The following CDC27 variants were observed in gnomAD, a reference collection of about 807,000 sequenced individuals.
The protein encoded by CDC27 is cell division cycle 27.
In CDC27, 27 loss-of-function variants were observed where a neutral mutation model predicts 109.7. The ratio of observed to expected loss-of-function variants is 0.25; its 90% confidence interval spans 0.18 to 0.34. The LOEUF is 0.34. Ranked by LOEUF, CDC27 falls within the 10% of genes least tolerant of loss-of-function variation. The probability of loss-of-function intolerance (pLI) is 1.00; values close to 1 mark genes in which losing one functional copy is unlikely to be tolerated. For missense variants in CDC27, 579 were observed against 960.2 expected, an observed-to-expected ratio of 0.60 and a Z score of 5.25; for synonymous variants, 266 against 333.9, an observed-to-expected ratio of 0.80 and a Z score of 2.22.
At chr17:47,134,110 G>A (rs920401957) in intron 14 of CDC27, among the ~76,000 whole-genome samples, 3 of 151,880 alleles carry the variant, frequency 2.0e-5, no homozygotes, top group African/African-American at 7.3e-5. Context: ...TGTTGACCAA[G>A]CTGGTTTCAA....
chr17:47,139,792 G>A (rs759117834), intron 12 of CDC27: 9 of 151,992 alleles, frequency 5.9e-5, no homozygotes, highest in Non-Finnish European at 7.3e-5. Flanking sequence ...CCTTTCCTTT[G>A]CAGCACTCTC....
At chr17:47,139,402 G>A (rs961537226) in intron 12 of CDC27, among the ~76,000 whole-genome samples, 3 of 151,918 alleles carry the variant, frequency 2.0e-5, no homozygotes. Context: ...AAGCAGCTGG[G>A]ACTACAGGCG....
chr17:47,185,591 C>T (rs2064405785), intron 1 of CDC27, among the ~76,000 whole-genome samples: 1 of 152,166 alleles, frequency 6.6e-6, no homozygotes, highest in Admixed American at 6.5e-5. Flanking sequence ...GTCAAAAAAG[C>T]TGTCTTTATT....
chr17:47,132,468 T>C, intron 14 of CDC27, 94 bp from the exon 15 acceptor site: 3 of 529,230 alleles, frequency 5.7e-6, no homozygotes, highest in Non-Finnish European at 9.6e-6. Flanking sequence ...GAATCTGGCA[T>C]TTTAATAATC....
chr17:47,156,853 T>A, intron 7 of CDC27, 60 bp downstream of exon 7: 1 of 577,586 alleles, frequency 1.7e-6, no homozygotes, highest in Non-Finnish European at 3.1e-6. Flanking sequence ...ACTAACAATA[T>A]GAGTTATCAT....
chr17:47,133,680 C>T (rs897476870), intron 14 of CDC27, among the ~76,000 whole-genome samples: 6 of 151,872 alleles, frequency 4.0e-5, no homozygotes, highest in East Asian at 1.9e-4. Context: ...TCAGGTGATC[C>T]GCCCGCCTCG....
intron 9 of CDC27, among the ~76,000 whole-genome samples, chr17:47,149,650 T>C (rs1436942701): frequency 6.6e-6 from 1 of 152,100 alleles, no homozygotes; most frequent in East Asian, 1.9e-4. Context: ...AATAGACTTC[T>C]TTTTCTCATT....
At chr17:47,157,950 A>G (rs902070913) in intron 5 of CDC27, among the ~76,000 whole-genome samples, 2 of 152,186 alleles carry the variant, frequency 1.3e-5, no homozygotes, top group Non-Finnish European at 2.9e-5. Flanking sequence ...AATATAACCC[A>G]TTCTAGAGGA....
At chr17:47,164,833 AC>A (rs1174743888) in intron 4 of CDC27, among the ~76,000 whole-genome samples, 1 of 152,118 alleles carries the variant, frequency 6.6e-6, no homozygotes, top group Admixed American at 6.5e-5. Flanking sequence ...AACAACAACA[AC>A]AACAACTGTA....
At chr17:47,187,517 G>T (rs2064488328) in intron 1 of CDC27, among the ~76,000 whole-genome samples, 1 of 151,664 alleles carries the variant, frequency 6.6e-6, no homozygotes, top group Non-Finnish European at 1.5e-5. Context: ...GGCCAGGCAG[G>T]TCTCGAACTC....
chr17:47,122,428 T>C lies in CDC27; in HGVS notation c.2392+16A>G. The stretch of plus-strand genomic sequence containing the variant: ...GTAACTTTCTAAATACTCAAAATCA[T>C]ATGTATGATACTTACTGATCTGTTC... On this transcript the variant is annotated intron_variant, in intron 18 of 18. Transcript: ENST00000066544. 6.6e-7 allele frequency: 1 copy of C among 1,509,636 alleles called. No individual in the cohort carries two copies. Among genetic ancestry groups the C allele is most frequent in the Non-Finnish European group, 8.9e-7 (1 of 1,119,126 alleles). 93.5% of individuals were successfully genotyped at this position (1,509,636 alleles called of 1,614,324 possible). A position where few individuals can be genotyped will look rare whatever the true frequency, so the allele number is the denominator to read the frequency against.
chr17:47,149,885 G>A (rs1461130133), intron 9 of CDC27, among the ~76,000 whole-genome samples: 1 of 152,142 alleles, frequency 6.6e-6, no homozygotes, highest in Non-Finnish European at 1.5e-5. Flanking sequence ...AACTGGGGAG[G>A]TGGAGGTTGC....
At chr17:47,152,932 G>C (rs11570497) in intron 8 of CDC27, among the ~76,000 whole-genome samples, 210 of 152,164 alleles carry the variant, frequency 1.4e-3, no homozygotes, top group African/African-American at 4.9e-3. Flanking sequence ...GGAGAGCCTG[G>C]TCATTTTAAT....
At chr17:47,145,053 C>T (rs534953521) in intron 9 of CDC27, among the ~76,000 whole-genome samples, 1 of 152,276 alleles carries the variant, frequency 6.6e-6, no homozygotes. Context: ...TCTAAAAAAA[C>T]TTTCTAAATA....
intron 9 of CDC27, among the ~76,000 whole-genome samples, chr17:47,146,059 A>G (rs1192805359): frequency 6.6e-6 from 1 of 152,208 alleles, no homozygotes; most frequent in East Asian, 1.9e-4. Flanking sequence ...TTTGAACACC[A>G]AAACTTGGCT....
rs1164648982 is a variant in CDC27, at chr17:47,122,434, T to A, written c.2392+10A>T. The stretch of plus-strand genomic sequence containing the variant: ...TTCTAAATACTCAAAATCATATGTA[T>A]GATACTTACTGATCTGTTCTTCTTG... On this transcript the variant is annotated intron_variant, in intron 18 of 18. Transcript: ENST00000066544. 6.4e-7 allele frequency: 1 copy of A among 1,562,974 alleles called. No homozygotes were observed. The highest frequency in any genetic ancestry group is 8.7e-7 in the Non-Finnish European group (1 of 1,151,064).
At chr17:47,138,936 T>C (rs2062708711) in intron 12 of CDC27, 45 bp from the exon 13 acceptor site, 3 of 1,296,394 alleles carry the variant, frequency 2.3e-6, no homozygotes, top group Non-Finnish European at 3.2e-6. Flanking sequence ...TGATACAATT[T>C]ATATATATAC....
chr17:47,123,390 CTTTTTTTTCTACTT>C (rs1461211027), intron 17 of CDC27, among the ~76,000 whole-genome samples: 3 of 144,080 alleles, frequency 2.1e-5, no homozygotes, highest in Non-Finnish European at 3.0e-5. Context: ...TGTTCTTCTA[CTTTTTTTTCTACTT>C]TTTTTTTTTT....
At chr17:47,158,640 A>G (rs1231615002) in intron 4 of CDC27, among the ~76,000 whole-genome samples, 1 of 147,128 alleles carries the variant, frequency 6.8e-6, no homozygotes, top group Admixed American at 6.8e-5. Flanking sequence ...TTTTTTTTGG[A>G]CAAGGTCTGG....
Sources: gnomAD v4.1 joint callset for allele counts (sites outside exome capture counted in the v4.1 genomes callset) on GRCh38, gnomAD v4.1.1 for gene constraint, MANE v1.5 for transcripts, NCBI Gene and HGNC (gene_info 2026-07-23, HGNC 2026-07-21) for gene names.